The following TP53BP1 variants were observed in gnomAD, a reference collection of about 807,000 sequenced individuals.
TP53BP1 encodes the protein TP53-binding protein 1.
A neutral mutation model predicts 200.8 loss-of-function variants in TP53BP1; 61 were observed. The observed-to-expected ratio is 0.30, with a 90% CI of 0.25 to 0.38. The LOEUF (loss-of-function observed/expected upper bound fraction) is 0.38, where lower values mean the gene tolerates loss of function less well. Among genes scored for constraint, TP53BP1 ranks in the 10% least tolerant of loss-of-function variants. TP53BP1 has a pLI of 1.00. For missense variants in TP53BP1, 2,144 were observed against 2,371.9 expected (o/e 0.90, Z 2.00); for synonymous variants, 822 against 844.3 (o/e 0.97, Z 0.46).
intron 12 of TP53BP1, among the ~76,000 whole-genome samples, chr15:43,451,705 T>A (rs943893511): frequency 1.3e-5 from 2 of 152,228 alleles, no homozygotes; most frequent in Admixed American, 6.5e-5. Context: ...TACCCAGTAA[T>A]GGGATGGCTG....
At chr15:43,509,513 G>A (rs1194890889) in intron 1 of TP53BP1, among the ~76,000 whole-genome samples, 2 of 152,064 alleles carry the variant, frequency 1.3e-5, no homozygotes, top group African/African-American at 4.8e-5. Flanking sequence ...GGTTCAAGTG[G>A]TTCTCCTGCC....
At chr15:43,415,996 C>T (rs1055341415) in intron 22 of TP53BP1, among the ~76,000 whole-genome samples, 187 bp from the exon 23 acceptor site, 2 of 152,062 alleles carry the variant, frequency 1.3e-5, no homozygotes, top group Non-Finnish European at 2.9e-5. Context: ...TGTGTTTAGT[C>T]CCCTATAGAA....
In TP53BP1 at chr15:43,404,736, T is replaced by A. The variant is rs2044801493; in HGVS notation, c.*2647A>T. ...GGTTATTTTCTAGTAGAAGTCATCA[T>A]CATCATAAAATACTAAAAAACCTGA... On this transcript the variant is annotated 3_prime_UTR_variant, in exon 28 of 28. Transcript: ENST00000382044. 1.5e-6 allele frequency: 1 copy of A among 667,370 alleles called. No homozygotes were observed. Among genetic ancestry groups the A allele is most frequent in the Admixed American group, 3.0e-5 (1 of 32,960 alleles). 41.3% of individuals were successfully genotyped at this position (667,370 alleles called of 1,614,324 possible).
intron 27 of TP53BP1, 69 bp from the exon 28 acceptor site, chr15:43,407,639 T>A: frequency 6.8e-7 from 1 of 1,459,918 alleles, no homozygotes; most frequent in Non-Finnish European, 9.3e-7. Flanking sequence ...AAAGAGAGAT[T>A]TGATTCTAAC....
chr15:43,492,592 A>G, intron 1 of TP53BP1, 124 bp from the exon 2 acceptor site: 1 of 683,116 alleles, frequency 1.5e-6, no homozygotes, highest in Non-Finnish European at 2.5e-6. Context: ...GACTCCTCCA[A>G]TTAGAATATT....
chr15:43,468,425 T>C (rs1263618752), intron 11 of TP53BP1, among the ~76,000 whole-genome samples: 2 of 151,712 alleles, frequency 1.3e-5, no homozygotes, highest in East Asian at 3.9e-4. Context: ...CATGTGCCTG[T>C]AGTTCCAGCT....
chr15:43,474,296 C>G (rs2046800359), intron 10 of TP53BP1, among the ~76,000 whole-genome samples: 1 of 152,152 alleles, frequency 6.6e-6, no homozygotes, highest in Non-Finnish European at 1.5e-5. Context: ...GGAGCGGGCT[C>G]CAGCCTTGGC....
chr15:43,407,591 TGAA>T, intron 27 of TP53BP1, 21 bp from the exon 28 acceptor site: 1 of 1,597,996 alleles, frequency 6.3e-7, no homozygotes, highest in South Asian at 1.1e-5. Flanking sequence ...CAAGGGAAAG[TGAA>T]GAAGGAAAGG....
intron 23 of TP53BP1, chr15:43,415,309 A>G (rs933948929): frequency 2.2e-6 from 1 of 460,728 alleles, no homozygotes; most frequent in Non-Finnish European, 4.0e-6. Flanking sequence ...CCTGGGTTCA[A>G]GCGATTCTCC....
At position 43,404,584 on chromosome 15, in the gene TP53BP1, T is replaced by C. The variant is rs2044794112; in HGVS notation, c.*2799A>G. On this transcript the variant is annotated 3_prime_UTR_variant, in exon 28 of 28. Coordinates refer to ENST00000382044, the MANE Select transcript of TP53BP1 (RefSeq NM_001141980.3). ...GCAACCCTTGGGTAACTCAGTAGAC[T>C]TTTTAAGGTGGCTTTTTAATGAGTT... 2 of 1,605,542 alleles carry C rather than the reference T, an allele frequency of 1.2e-6. No individual in the cohort carries two copies. Among genetic ancestry groups the C allele is most frequent in the African/African-American group, 2.7e-5 (2 of 74,360 alleles).
At position 43,488,842 on chromosome 15, in the gene TP53BP1, C is replaced by A. The variant is rs574033752; in HGVS notation, c.371+2827G>T. ...CTGGGAGGCAGAGGTTGCAGTGAGC[C>A]AAGATCACACCATTGCACTCCAGCC... On this transcript the variant is annotated intron_variant, in intron 4 of 27. Transcript: ENST00000382044. Among the ~76,000 whole-genome samples the A allele has an allele frequency of 1.4e-4, 22 of 152,172 alleles. No homozygotes were observed. The South Asian group carries it at 4.6e-3, about 32-fold the overall frequency.
chr15:43,423,708 C>T (rs1466947429), intron 18 of TP53BP1, among the ~76,000 whole-genome samples: 3 of 151,682 alleles, frequency 2.0e-5, no homozygotes, highest in Non-Finnish European at 2.9e-5. Context: ...GACACACATA[C>T]ATATACATTT....
chr15:43,418,286 T>C (rs1595528497), intron 21 of TP53BP1, among the ~76,000 whole-genome samples: 2 of 150,976 alleles, frequency 1.3e-5, no homozygotes, highest in African/African-American at 4.9e-5. Context: ...TAAGTTGAGG[T>C]TGGGAGTTCG....
rs531387534 is a variant in TP53BP1, at chr15:43,410,910, T to C, written c.5306-1169A>G. On this transcript the variant is annotated intron_variant, in intron 24 of 27. Transcript: ENST00000382044. ...CAGCATTCTCCACATTCTTCTCAAATTGAAATCCCAAAACAGAAACTCTAA... is the reference window on the plus strand; with the variant it reads ...CAGCATTCTCCACATTCTTCTCAAACTGAAATCCCAAAACAGAAACTCTAA... Among the ~76,000 whole-genome samples the C allele has an allele frequency of 7.9e-5, 12 of 152,298 alleles. No individual in the cohort carries two copies. The South Asian group carries it at 1.7e-3, about 21-fold the overall frequency.
At chr15:43,451,445 T>G (rs1379394777) in intron 12 of TP53BP1, among the ~76,000 whole-genome samples, 5 of 152,110 alleles carry the variant, frequency 3.3e-5, no homozygotes, top group African/African-American at 4.8e-5. Context: ...TTTGGTTTTT[T>G]GTCCTTGCGA....
Position 43,456,222 on chromosome 15 carries a change from C to G in TP53BP1, c.2386G>C (p.Ala796Pro). The change falls in exon 12 of 28, where the codon GCT becomes CCT. Residue 796 changes from alanine (A) to proline (P), a missense_variant. Physicochemically the swap from Ala to Pro is conservative, Grantham distance 27. Transcript: ENST00000382044. ...CSDSQSWEDIAPEIEPCAENR... is the reference protein window; with the variant it reads ...CSDSQSWEDIPPEIEPCAENR... ...TCAGCACATGGTTCTATTTCTGGAG[C>G]AATATCCTCCCATGACTGGGAATCT... 1.2e-6 allele frequency: 2 copies of G among 1,614,156 alleles called. No homozygotes were observed. Among genetic ancestry groups the G allele is most frequent in the Non-Finnish European group, 8.5e-7 (1 of 1,180,036 alleles).
At chr15:43,408,706 A>T in intron 26 of TP53BP1, 191 bp downstream of exon 26, 1 of 596,782 alleles carries the variant, frequency 1.7e-6, no homozygotes, top group Non-Finnish European at 2.9e-6. Flanking sequence ...ACACATTTGC[A>T]AAAGGTTCCT....
chr15:43,482,173 G>T (rs551828746), intron 4 of TP53BP1, among the ~76,000 whole-genome samples: 1 of 151,994 alleles, frequency 6.6e-6, no homozygotes, highest in East Asian at 2.0e-4. Context: ...AGCTTGCAGT[G>T]AGCCGAGATC....
Position 43,470,080 on chromosome 15 carries a change from G to A in TP53BP1, c.1181-14C>T. 2 of 1,602,422 alleles carry A rather than the reference G, an allele frequency of 1.2e-6. No homozygotes were observed. Among genetic ancestry groups the A allele is most frequent in the South Asian group, 1.1e-5 (1 of 90,764 alleles). On this transcript the variant is annotated splice_polypyrimidine_tract_variant and intron_variant, in intron 10 of 27. Transcript: ENST00000382044. ...CCATTGGCTTATCTGGTTTAAAACA[G>A]GAGAAACAAATTGAGAAATATCACT...
Sources: gnomAD v4.1 joint callset for allele counts (sites outside exome capture counted in the v4.1 genomes callset) on GRCh38, gnomAD v4.1.1 for gene constraint, MANE v1.5 for transcripts, NCBI Gene and HGNC (gene_info 2026-07-23, HGNC 2026-07-21) for gene names.